Variants in TRIM14 observed in about 807,000 individuals in gnomAD.
The protein encoded by TRIM14 is tripartite motif-containing protein 14.
Under a neutral mutation model 44.5 loss-of-function variants are expected in TRIM14, and 28 were observed. That is an observed-to-expected ratio of 0.63 (90% CI 0.47 to 0.86). The LOEUF (loss-of-function observed/expected upper bound fraction) is 0.86, where lower values mean the gene tolerates loss of function less well. Among genes scored for constraint, TRIM14 ranks in the 40% least tolerant of loss-of-function variants. The probability of loss-of-function intolerance (pLI) is 0.00; values close to 1 mark genes in which losing one functional copy is unlikely to be tolerated. For missense variants in TRIM14, 607 were observed against 611.1 expected (o/e 0.99, Z 0.07); for synonymous variants, 299 against 269.2 (o/e 1.11, Z -1.08).
intron 5 of TRIM14, among the ~76,000 whole-genome samples, chr9:98,088,787 G>A (rs1825892867): frequency 6.6e-6 from 1 of 152,062 alleles, no homozygotes; most frequent in African/African-American, 2.4e-5. Flanking sequence ...GGAATTGCTG[G>A]GTCAATGGGT....
At chr9:98,061,595 C>T in the TRIM14 span, among the ~76,000 whole-genome samples, 1 of 150,082 alleles carries the variant, frequency 6.7e-6, no homozygotes, top group African/African-American at 2.5e-5. Flanking sequence ...TCCTGGCCAA[C>T]ATGGTGAAAC....
chr9:98,089,233 G>A (rs1216389218), intron 5 of TRIM14, among the ~76,000 whole-genome samples: 1 of 151,988 alleles, frequency 6.6e-6, no homozygotes, highest in East Asian at 1.9e-4. Context: ...CTGGAGTGCA[G>A]TGGTGTGATC....
At position 98,087,465 on chromosome 9, in the gene TRIM14, G is replaced by A. The variant is rs751874057; in HGVS notation, c.*5C>T. The stretch of plus-strand genomic sequence containing the variant: ...ACCTGGAGGCTGTCACGCCGGTCCT[G>A]GCCCCTAGGGCAGCCGGGGGATGCT... On this transcript the variant is annotated 3_prime_UTR_variant, in exon 6 of 6. Transcript: ENST00000341469. 6.2e-7 allele frequency: 1 copy of A among 1,605,256 alleles called. No individual in the cohort carries two copies.
chr9:98,073,765 C>T lies in TRIM14; in HGVS notation c.*29-4078G>A, dbSNP rs552759485. Among the ~76,000 whole-genome samples, 3 of 151,862 alleles carry T rather than the reference C, an allele frequency of 2.0e-5. No individual in the cohort carries two copies. In the South Asian group the frequency reaches 6.2e-4, roughly 32 times the overall value. On this transcript the variant is annotated intron_variant, in intron 6 of 6. Transcript: ENST00000375098. ...GGTTCTGTGGGCACGTGTTGTCCACCCTCATTCATTAATTGATTTAGAATC... is the reference window on the plus strand; with the variant it reads ...GGTTCTGTGGGCACGTGTTGTCCACTCTCATTCATTAATTGATTTAGAATC...
At chr9:98,072,306 T>TTCTGCC (rs1468680478) in intron 6 of TRIM14, among the ~76,000 whole-genome samples, 4 of 152,230 alleles carry the variant, frequency 2.6e-5, no homozygotes, top group Non-Finnish European at 5.9e-5. Context: ...TTTGGAGTTT[T>TTCTGCC]TCTGCCTCAG....
chr9:98,113,483 T>C (rs1826934161), intron 1 of TRIM14, among the ~76,000 whole-genome samples: 1 of 152,160 alleles, frequency 6.6e-6, no homozygotes, highest in African/African-American at 2.4e-5. Flanking sequence ...GCCCCCCAAG[T>C]AGCTGGGACT....
the TRIM14 span, chr9:98,056,861 C>T: frequency 1.8e-3 from 2,908 of 1,612,304 alleles, 7 homozygotes; most frequent in Non-Finnish European, 2.0e-3. Flanking sequence ...GGGCAACACC[C>T]GTGCTTCATC....
At chr9:98,094,224 G>T in intron 4 of TRIM14, among the ~76,000 whole-genome samples, 1 of 152,230 alleles carries the variant, frequency 6.6e-6, no homozygotes, top group Admixed American at 6.5e-5. Context: ...GATAGCAGAG[G>T]TGAATGAATG....
At chr9:98,057,002 G>A in the TRIM14 span, 4 of 1,489,930 alleles carry the variant, frequency 2.7e-6, no homozygotes, top group South Asian at 2.7e-5. Flanking sequence ...CGGGGCCGCG[G>A]GGAGCCAGGG....
chr9:98,055,999 C>A, the TRIM14 span, among the ~76,000 whole-genome samples: 2 of 152,064 alleles, frequency 1.3e-5, no homozygotes, highest in Non-Finnish European at 2.9e-5. Flanking sequence ...CTTGGCCTCC[C>A]AAAGTGCTGG....
chr9:98,042,826 C>T, the TRIM14 span, among the ~76,000 whole-genome samples: 4 of 150,842 alleles, frequency 2.7e-5, no homozygotes, highest in African/African-American at 7.3e-5. Flanking sequence ...GCCGAGATCA[C>T]GCCACTGCAC....
At chr9:98,104,542 G>GGA (rs145070452) in intron 2 of TRIM14, among the ~76,000 whole-genome samples, 8 of 151,432 alleles carry the variant, frequency 5.3e-5, no homozygotes, top group South Asian at 2.1e-4. Flanking sequence ...AGAGGGAAGG[G>GGA]GAGAGAGAGA....
chr9:98,088,697 G>A (rs543957228), intron 5 of TRIM14, among the ~76,000 whole-genome samples: 3 of 152,282 alleles, frequency 2.0e-5, no homozygotes, highest in East Asian at 1.9e-4. Flanking sequence ...TTAGTCCTCC[G>A]TTTAAAAAGC....
intron 2 of TRIM14, among the ~76,000 whole-genome samples, chr9:98,109,349 A>C (rs1826753763): frequency 6.6e-6 from 1 of 152,228 alleles, no homozygotes; most frequent in Non-Finnish European, 1.5e-5. Context: ...CTGAGGCCCT[A>C]AAAACACAAC....
the TRIM14 span, among the ~76,000 whole-genome samples, chr9:98,043,702 A>T: frequency 2.6e-5 from 4 of 152,052 alleles, no homozygotes; most frequent in African/African-American, 9.6e-5. Flanking sequence ...TAGCCATGAG[A>T]TAAACACAAA....
intron 1 of TRIM14, among the ~76,000 whole-genome samples, chr9:98,113,620 GC>G (rs2118676027): frequency 6.6e-6 from 1 of 152,322 alleles, no homozygotes; most frequent in South Asian, 2.1e-4. Flanking sequence ...CTCCCAAAGG[GC>G]TAGGATTACA....
At chr9:98,117,154 T>G (rs974315805) in intron 1 of TRIM14, among the ~76,000 whole-genome samples, 1 of 152,162 alleles carries the variant, frequency 6.6e-6, no homozygotes, top group Non-Finnish European at 1.5e-5. Context: ...AGGAAGGTTG[T>G]AGAAAAAGTT....
At chr9:98,081,019 G>A (rs1438718768), downstream of TRIM14, 1 of 1,614,070 alleles carries the variant, frequency 6.2e-7, no homozygotes, top group Non-Finnish European at 8.5e-7. Flanking sequence ...TGCGTCTTGT[G>A]GAGCGTGCCC....
the TRIM14 span, among the ~76,000 whole-genome samples, chr9:98,037,678 TAGA>T: frequency 1.3e-5 from 2 of 152,150 alleles, no homozygotes; most frequent in East Asian, 1.9e-4. Context: ...TCCTAAAGGC[TAGA>T]AGAAGTTTTC....
Sources: gnomAD v4.1 joint callset for allele counts (sites outside exome capture counted in the v4.1 genomes callset) on GRCh38, gnomAD v4.1.1 for gene constraint, MANE v1.5 for transcripts, NCBI Gene and HGNC (gene_info 2026-07-23, HGNC 2026-07-21) for gene names.